SMARCA2: variants seen among roughly 807,000 people sequenced by gnomAD.
SMARCA2 encodes SWI/SNF-related matrix-associated actin-dependent regulator of chromatin subfamily A member 2.
SMARCA2 carries 61 observed loss-of-function variants against 199.8 expected under a neutral mutation model. The ratio of observed to expected loss-of-function variants is 0.31; its 90% CI spans 0.25 to 0.38. SMARCA2 has a LOEUF of 0.38. SMARCA2 is among the 10% of genes least tolerant of loss of function. SMARCA2 has a pLI of 1.00. For synonymous variants in SMARCA2, 935 were observed against 732.0 expected (o/e 1.28, Z -4.48); for missense variants, 1,344 against 2,012.2 (o/e 0.67, Z 6.35).
intron 19 of SMARCA2, among the ~76,000 whole-genome samples, chr9:2,093,016 G>C (rs1822127256): frequency 6.6e-6 from 1 of 152,132 alleles, no homozygotes; most frequent in African/African-American, 2.4e-5. Context: ...CCCTTTTCTT[G>C]ATACAAACCT....
intron 17 of SMARCA2, among the ~76,000 whole-genome samples, chr9:2,085,336 C>T (rs1013092570): frequency 4.6e-5 from 7 of 152,218 alleles, no homozygotes; most frequent in South Asian, 4.1e-4. Context: ...TCATTGGAGA[C>T]GCCTGGTAAT....
chr9:2,097,015 A>G (rs2130526927), intron 20 of SMARCA2: 1 of 526,716 alleles, frequency 1.9e-6, no homozygotes, highest in Non-Finnish European at 3.4e-6. Context: ...TGCAGCAAAT[A>G]TATTCTGCCT....
chr9:2,088,221 T>C (rs1821886651), intron 18 of SMARCA2, among the ~76,000 whole-genome samples: 1 of 152,210 alleles, frequency 6.6e-6, no homozygotes, highest in South Asian at 2.1e-4. Context: ...CCATACAATT[T>C]GAGGCTGTTG....
At position 2,123,985 on chromosome 9, in the gene SMARCA2, G is replaced by C; in HGVS notation, c.3981+48G>C. ...GCTCTCACTAGGTGGAGGGTTTTTG[G>C]TGGCTTGGAGAAACCAGGGGCCTAG... On this transcript the variant is annotated intron_variant, in intron 27 of 33. Transcript: ENST00000349721. The surrounding 1 kb of genome is among the most constrained non-coding windows in gnomAD (Gnocchi z 4.1). 2.0e-6 allele frequency: 3 copies of C among 1,469,336 alleles called. No homozygotes were observed. The highest frequency in any genetic ancestry group is 2.8e-6 in the Non-Finnish European group (3 of 1,073,856). 91.0% of individuals were successfully genotyped at this position (1,469,336 alleles called of 1,614,324 possible).
rs1821817381 is a variant in SMARCA2 at position 2,086,715 on chromosome 9, G to A, written c.2527-114G>A. The A allele has an allele frequency of 8.9e-7, 1 of 1,117,786 alleles. No homozygotes were observed. Among genetic ancestry groups the A allele is most frequent in the Non-Finnish European group, 1.3e-6 (1 of 762,944 alleles). 69.2% of individuals were successfully genotyped at this position (1,117,786 alleles called of 1,614,324 possible). On this transcript the variant is annotated intron_variant, in intron 17 of 33. Transcript: ENST00000349721. This position sits in a 1 kb window ranked among gnomAD's most constrained non-coding sequence, Gnocchi z 4.3. Reference sequence around the variant, plus strand: ...TTCCCTTGTCTCAAAGGTAATCACAGCATATCATATACCAAGGATGGGTTC... The same window carrying A: ...TTCCCTTGTCTCAAAGGTAATCACAACATATCATATACCAAGGATGGGTTC...
intron 1 of SMARCA2, chr9:2,027,872 T>C (rs1181599055): frequency 2.6e-5 from 4 of 152,240 alleles, no homozygotes; most frequent in Non-Finnish European, 4.4e-5. Context: ...GGTAACATCA[T>C]AATATAGAAC....
At chr9:2,077,040 G>C (rs1821355700) in intron 13 of SMARCA2, among the ~76,000 whole-genome samples, 1 of 152,128 alleles carries the variant, frequency 6.6e-6, no homozygotes, top group African/African-American at 2.4e-5. Context: ...CTTCCTCCTA[G>C]CAGTCTGCCC....
At chr9:2,095,995 T>G (rs1374407450) in intron 19 of SMARCA2, among the ~76,000 whole-genome samples, 1 of 152,234 alleles carries the variant, frequency 6.6e-6, no homozygotes, top group African/African-American at 2.4e-5. Flanking sequence ...CTTAACTTTT[T>G]AAAATTGGAT....
chr9:2,096,824 C>G, intron 20 of SMARCA2, 60 bp downstream of exon 20: 12 of 987,968 alleles, frequency 1.2e-5, no homozygotes, highest in Non-Finnish European at 2.0e-5. Flanking sequence ...ATGGCTGTGA[C>G]ATTGAATATT....
At chr9:2,178,168 G>A (rs896354922) in intron 29 of SMARCA2, among the ~76,000 whole-genome samples, 4 of 152,076 alleles carry the variant, frequency 2.6e-5, no homozygotes, top group African/African-American at 9.7e-5. Context: ...TCATGGCCAC[G>A]TCGCGGTGTC....
rs537901618 is a variant in SMARCA2 at position 2,187,468 on chromosome 9, T to G, written c.4594+1240T>G. 2.3e-4 allele frequency among the ~76,000 whole-genome samples: 35 copies of G among 152,160 alleles called. No homozygotes were observed. The Middle Eastern group carries it at 0.01, about 45-fold the overall frequency. On this transcript the variant is annotated intron_variant, in intron 32 of 33. Coordinates refer to ENST00000349721, the MANE Select transcript of SMARCA2 (RefSeq NM_003070.5). Reference sequence around the variant, plus strand: ...AGAAGGATAGCTTGAGGCTAGGAGTTCAAGACCAGCCTGGATAACATAGCA... The same window carrying G: ...AGAAGGATAGCTTGAGGCTAGGAGTGCAAGACCAGCCTGGATAACATAGCA...
At chr9:2,073,177 C>T (rs753956506) in intron 10 of SMARCA2, 35 bp from the exon 11 acceptor site, 12 of 1,612,812 alleles carry the variant, frequency 7.4e-6, no homozygotes, top group Middle Eastern at 1.6e-4. Flanking sequence ...AAGGTCTTAA[C>T]ATGAAACCGT....
intron 27 of SMARCA2, among the ~76,000 whole-genome samples, chr9:2,127,350 A>G (rs982719955): frequency 1.3e-5 from 2 of 152,182 alleles, no homozygotes; most frequent in Non-Finnish European, 2.9e-5. Flanking sequence ...GGGTATAGAT[A>G]GATGTGGGTA....
rs143640323 is a variant in SMARCA2 at position 2,117,223 on chromosome 9, G to A, written c.3684+1174G>A. Among the ~76,000 whole-genome samples the A allele has an allele frequency of 1.4e-3, 219 of 152,072 alleles. 1 individual carries two copies. Among genetic ancestry groups the A allele is most frequent in the African/African-American group, 4.7e-3 (196 of 41,472 alleles). On this transcript the variant is annotated intron_variant, in intron 25 of 33. Transcript: ENST00000349721. Reference sequence around the variant, plus strand: ...TTTCTAAAATGAATCTAAATGTGAAGTAAAGCTTGATATTTAAAGGTATCC... The same window carrying A: ...TTTCTAAAATGAATCTAAATGTGAAATAAAGCTTGATATTTAAAGGTATCC...
chr9:2,109,198 G>C (rs1822883311), intron 23 of SMARCA2, among the ~76,000 whole-genome samples: 1 of 152,132 alleles, frequency 6.6e-6, no homozygotes, highest in Non-Finnish European at 1.5e-5. Context: ...CAGCATGTAG[G>C]AATAATATTT....
intron 27 of SMARCA2, among the ~76,000 whole-genome samples, chr9:2,157,126 C>T (rs1358260514): frequency 6.6e-6 from 1 of 152,144 alleles, no homozygotes; most frequent in African/African-American, 2.4e-5. Context: ...TGAGGACGAG[C>T]TCTATGTTCA....
intron 14 of SMARCA2, among the ~76,000 whole-genome samples, chr9:2,079,480 G>C (rs1821469666): frequency 6.6e-6 from 1 of 152,220 alleles, no homozygotes; most frequent in African/African-American, 2.4e-5. Flanking sequence ...TGGTGCTGAA[G>C]CACTAGCAGT....
At chr9:2,183,675 T>A (rs1827218847) in intron 31 of SMARCA2, among the ~76,000 whole-genome samples, 1 of 152,232 alleles carries the variant, frequency 6.6e-6, no homozygotes, top group East Asian at 1.9e-4. Flanking sequence ...TTGAACAGAC[T>A]TAAACATTTC....
At chr9:2,109,166 G>C (rs1159981142) in intron 23 of SMARCA2, among the ~76,000 whole-genome samples, 1 of 152,168 alleles carries the variant, frequency 6.6e-6, no homozygotes, top group African/African-American at 2.4e-5. Context: ...TTGCTGGTAT[G>C]TTTTCATCCT....
Sources: gnomAD v4.1 joint callset for allele counts (sites outside exome capture counted in the v4.1 genomes callset) on GRCh38, gnomAD v4.1.1 for gene constraint, Gnocchi (gnomAD v3.1) non-coding constraint, MANE v1.5 for transcripts, NCBI Gene and HGNC (gene_info 2026-07-23, HGNC 2026-07-21) for gene names.